The following MAPK10 variants were observed in gnomAD, a reference collection of about 807,000 sequenced individuals.
The protein encoded by MAPK10 is mitogen-activated protein kinase 10.
A neutral mutation model predicts 59.3 loss-of-function variants in MAPK10; 25 were observed. The ratio of observed to expected loss-of-function variants is 0.42; its 90% CI spans 0.31 to 0.59. The LOEUF (loss-of-function observed/expected upper bound fraction) is 0.59. MAPK10 is among the 20% of genes least tolerant of loss of function. The probability of loss-of-function intolerance (pLI) is 0.15; values close to 1 mark genes in which losing one functional copy is unlikely to be tolerated. For synonymous variants in MAPK10, 190 were observed against 200.5 expected (o/e 0.95, Z 0.44); for missense variants, 351 against 568.9 (o/e 0.62, Z 3.90).
intron 11 of MAPK10, among the ~76,000 whole-genome samples, chr4:86,038,043 A>G (rs1376122525): frequency 6.6e-6 from 1 of 152,248 alleles, no homozygotes; most frequent in Non-Finnish European, 1.5e-5. Context: ...TCAAAGTATC[A>G]TGGACATCAA....
intron 9 of MAPK10, chr4:86,080,276 A>G (rs752176617): frequency 6.6e-6 from 1 of 151,878 alleles, no homozygotes; most frequent in Non-Finnish European, 1.5e-5. Context: ...ATCCATGCCT[A>G]GTCTCGTAGT....
chr4:86,171,419 G>A (rs1347565842), intron 3 of MAPK10, among the ~76,000 whole-genome samples: 2 of 151,772 alleles, frequency 1.3e-5, no homozygotes, highest in East Asian at 1.9e-4. Flanking sequence ...CAGAAATAAC[G>A]CTGCATATCT....
At chr4:86,041,959 T>C (rs1185324338) in intron 11 of MAPK10, among the ~76,000 whole-genome samples, 1 of 152,226 alleles carries the variant, frequency 6.6e-6, no homozygotes, top group East Asian at 1.9e-4. Flanking sequence ...GGCAATCCCA[T>C]TACTGGGTAT....
intron 1 of MAPK10, among the ~76,000 whole-genome samples, chr4:86,524,611 C>T (rs1182685469): frequency 2.6e-5 from 4 of 152,064 alleles, no homozygotes; most frequent in Non-Finnish European, 4.4e-5. Context: ...CAGGGTTTCC[C>T]GTATATTTGT....
chr4:86,384,307 G>T (rs1019378905), intron 1 of MAPK10: 1 of 152,118 alleles, frequency 6.6e-6, no homozygotes, highest in African/African-American at 2.4e-5. Context: ...AAACAGAAAG[G>T]TTTGTGTATT....
intron 1 of MAPK10, among the ~76,000 whole-genome samples, chr4:86,565,914 A>G (rs1261545247): frequency 1.3e-5 from 2 of 152,150 alleles, no homozygotes; most frequent in Admixed American, 1.3e-4. Flanking sequence ...GCCTGAACAC[A>G]TACTCACATT....
intron 13 of MAPK10, among the ~76,000 whole-genome samples, chr4:86,022,699 G>A (rs1747901435): frequency 6.6e-6 from 1 of 152,068 alleles, no homozygotes; most frequent in Non-Finnish European, 1.5e-5. Context: ...TGTAGAGACA[G>A]GAGCTTGCCA....
At chr4:86,328,065 T>G (rs10010751) in intron 2 of MAPK10, among the ~76,000 whole-genome samples, 109,873 of 152,048 alleles carry the variant, frequency 0.72, 40,482 homozygotes, top group South Asian at 0.9. Context: ...AAAAGGTGGG[T>G]CCTTGAAGAA....
At chr4:86,025,655 A>G (rs1749803554) in intron 13 of MAPK10, 3 of 393,170 alleles carry the variant, frequency 7.6e-6, no homozygotes, top group Non-Finnish European at 1.3e-5. Flanking sequence ...ATTTTTGTCT[A>G]TAAAAATGGC....
At chr4:86,172,768 A>C (rs527865353) in intron 3 of MAPK10, among the ~76,000 whole-genome samples, 1 of 148,074 alleles carries the variant, frequency 6.8e-6, no homozygotes, top group African/African-American at 2.6e-5. Flanking sequence ...AAAAATAAAA[A>C]TAAATAAGTA....
Position 86,010,660 on chromosome 4 carries a change from T to C in MAPK10, c.*6568A>G, listed in dbSNP as rs1741361661. 6.6e-6 allele frequency: 1 copy of C among 152,212 alleles called. No individual in the cohort carries two copies. Among genetic ancestry groups the C allele is most frequent in the Non-Finnish European group, 1.5e-5 (1 of 68,022 alleles). The allele number at this position is 152,212 out of a possible 1,614,324, so 9.4% of individuals were successfully genotyped here. ...GAAAACCTTCCTTTTATAAAAGAAATACTTTAATATTATGAATTCTCTTGG... is the reference window on the plus strand; with the variant it reads ...GAAAACCTTCCTTTTATAAAAGAAACACTTTAATATTATGAATTCTCTTGG... On this transcript the variant is annotated 3_prime_UTR_variant, in exon 14 of 14. Coordinates refer to ENST00000641462, the MANE Select transcript of MAPK10 (RefSeq NM_138982.4).
At chr4:86,354,355 T>C (rs898560153) in intron 2 of MAPK10, among the ~76,000 whole-genome samples, 175 bp downstream of exon 2, 1 of 152,146 alleles carries the variant, frequency 6.6e-6, no homozygotes, top group Non-Finnish European at 1.5e-5. Flanking sequence ...GTATGTGGTA[T>C]TAGTAGTACC....
At chr4:86,438,347 G>C (rs1044363333) in intron 1 of MAPK10, among the ~76,000 whole-genome samples, 22 of 152,078 alleles carry the variant, frequency 1.4e-4, no homozygotes, top group African/African-American at 5.3e-4. Flanking sequence ...TGTAAAATTG[G>C]AGGTTGTGTT....
At chr4:86,435,816 T>A (rs1748647556) in intron 1 of MAPK10, among the ~76,000 whole-genome samples, 1 of 152,200 alleles carries the variant, frequency 6.6e-6, no homozygotes, top group Non-Finnish European at 1.5e-5. Context: ...TTTATTTGGC[T>A]GTAATCTTAC....
chr4:86,101,307 A>G, intron 7 of MAPK10, 90 bp from the exon 8 acceptor site: 3 of 878,308 alleles, frequency 3.4e-6, no homozygotes, highest in East Asian at 2.6e-5. Flanking sequence ...ATTTTGCAGT[A>G]GCACTGATGA....
chr4:86,429,121 T>C (rs1000080655), intron 1 of MAPK10, among the ~76,000 whole-genome samples: 4 of 152,154 alleles, frequency 2.6e-5, no homozygotes, highest in African/African-American at 9.7e-5. Flanking sequence ...TTCTTTCTTT[T>C]TTGGAAGATT....
chr4:86,438,552 T>C (rs1749047163), intron 1 of MAPK10, among the ~76,000 whole-genome samples: 1 of 151,984 alleles, frequency 6.6e-6, no homozygotes, highest in African/African-American at 2.4e-5. Flanking sequence ...TAGCTGGGTG[T>C]GGTGGCAGGC....
upstream of MAPK10, among the ~76,000 whole-genome samples, chr4:86,363,398 G>C (rs952858316): frequency 6.6e-6 from 1 of 152,114 alleles, no homozygotes; most frequent in Non-Finnish European, 1.5e-5. Context: ...TTGCCTAATA[G>C]AATATTACTC....
intron 3 of MAPK10, among the ~76,000 whole-genome samples, chr4:86,170,156 C>T (rs534979481): frequency 1.1e-3 from 168 of 151,394 alleles, no homozygotes; most frequent in African/African-American, 3.8e-3. Context: ...CATCAACTAA[C>T]GAGCAAAATA....
Sources: gnomAD v4.1 joint callset for allele counts (sites outside exome capture counted in the v4.1 genomes callset) on GRCh38, gnomAD v4.1.1 for gene constraint, MANE v1.5 for transcripts, NCBI Gene and HGNC (gene_info 2026-07-23, HGNC 2026-07-21) for gene names.